TMEM117: variants seen among roughly 807,000 people sequenced by gnomAD.
TMEM117 encodes transmembrane protein 117.
Under a neutral mutation model 52.4 loss-of-function variants are expected in TMEM117, and 27 were observed. The ratio of observed to expected loss-of-function variants is 0.51; its 90% CI spans 0.38 to 0.71. The LOEUF is 0.71. Ranked by LOEUF, TMEM117 falls within the 30% of genes least tolerant of loss-of-function variation. The pLI is 0.00. For synonymous variants in TMEM117, 215 were observed against 206.3 expected, an observed-to-expected ratio of 1.04 and a Z score of -0.36; for missense variants, 556 against 630.5, an observed-to-expected ratio of 0.88 and a Z score of 1.26.
chr12:44,046,062 A>G (rs1180030598), intron 3 of TMEM117, among the ~76,000 whole-genome samples: 1 of 152,150 alleles, frequency 6.6e-6, no homozygotes, highest in East Asian at 1.9e-4. Context: ...AGCGTTCAAT[A>G]TATGGTACTA....
At chr12:43,802,639 A>T in the TMEM117 span, among the ~76,000 whole-genome samples, 1 of 152,236 alleles carries the variant, frequency 6.6e-6, no homozygotes, top group Non-Finnish European at 1.5e-5. Context: ...GAGTATTATA[A>T]AAACTGTTAA....
intron 3 of TMEM117, among the ~76,000 whole-genome samples, chr12:44,038,293 C>T (rs997524277): frequency 6.6e-6 from 1 of 152,124 alleles, no homozygotes; most frequent in African/African-American, 2.4e-5. Context: ...GGCTGTGACA[C>T]CCTCTCTGGG....
At chr12:44,107,806 A>G (rs1174215616) in intron 3 of TMEM117, among the ~76,000 whole-genome samples, 1 of 152,160 alleles carries the variant, frequency 6.6e-6, no homozygotes, top group African/African-American at 2.4e-5. Context: ...CTTTGTGGAC[A>G]GATGGCAAAA....
In TMEM117 at chr12:44,388,397, A is replaced by G. The variant is rs781102671; in HGVS notation, c.1270A>G (p.Met424Val). 6 of 1,613,344 alleles carry G rather than the reference A, an allele frequency of 3.7e-6. No homozygotes were observed. In the African/African-American group the frequency reaches 6.7e-5, roughly 18 times the overall value. The change falls in exon 8 of 8, where the codon ATG becomes GTG. Residue 424 changes from methionine (M) to valine (V), a missense_variant. By Grantham distance (21) the Met-to-Val change is conservative. This residue lies in a region of TMEM117 where 206 missense variants were observed against 211.1 expected (regional missense o/e 0.98). Coordinates refer to ENST00000266534, the MANE Select transcript of TMEM117 (RefSeq NM_032256.3). ...FGRFLKNEPR[M>V]ENQDKTYTRM... ...ACGATTTTTGAAAAATGAGCCACGC[A>G]TGGAGAATCAAGACAAAACTTACAC...
At chr12:43,895,589 C>T (rs1171570785) in intron 2 of TMEM117, among the ~76,000 whole-genome samples, 3 of 152,148 alleles carry the variant, frequency 2.0e-5, no homozygotes, top group Non-Finnish European at 4.4e-5. Context: ...ACACCATCTT[C>T]AATACAACAT....
intron 5 of TMEM117, among the ~76,000 whole-genome samples, chr12:44,216,479 C>A (rs17094282): frequency 0.11 from 16,117 of 152,074 alleles, 942 homozygotes; most frequent in Middle Eastern, 0.2. Context: ...ATACTGTAGC[C>A]TAAAATAACC....
At chr12:44,084,280 A>T (rs1331234263) in intron 3 of TMEM117, among the ~76,000 whole-genome samples, 1 of 152,186 alleles carries the variant, frequency 6.6e-6, no homozygotes, top group African/African-American at 2.4e-5. Context: ...TTATACTTGT[A>T]CTTTGAAAAG....
At chr12:43,914,450 C>G (rs1156685331) in intron 2 of TMEM117, among the ~76,000 whole-genome samples, 2 of 152,162 alleles carry the variant, frequency 1.3e-5, no homozygotes, top group Non-Finnish European at 2.9e-5. Flanking sequence ...ATTCATTTCA[C>G]AAATATTCGT....
intron 3 of TMEM117, among the ~76,000 whole-genome samples, chr12:44,052,820 G>A (rs770014150): frequency 1.4e-4 from 22 of 152,126 alleles, no homozygotes; most frequent in Non-Finnish European, 2.5e-4. Flanking sequence ...AGTCTCTTCC[G>A]CTTTAGATTT....
At chr12:44,089,540 G>C (rs1947628049) in intron 3 of TMEM117, among the ~76,000 whole-genome samples, 1 of 152,086 alleles carries the variant, frequency 6.6e-6, no homozygotes, top group African/African-American at 2.4e-5. Flanking sequence ...CCTTAAGCCA[G>C]GTTGGCTTCT....
At chr12:44,140,853 A>T (rs2081376280) in intron 3 of TMEM117, among the ~76,000 whole-genome samples, 1 of 152,074 alleles carries the variant, frequency 6.6e-6, no homozygotes, top group South Asian at 2.1e-4. Context: ...AACCTCCCTA[A>T]TGCTCTTTAG....
Position 44,151,917 on chromosome 12 carries a change from T to A in TMEM117, c.510+8293T>A, listed in dbSNP as rs1207249908. Among the ~76,000 whole-genome samples the A allele has an allele frequency of 1.3e-4, 17 of 126,962 alleles. No individual in the cohort carries two copies. The East Asian group carries it at 3.1e-3, about 23-fold the overall frequency. 83.3% of individuals were successfully genotyped at this position (126,962 alleles called of 152,430 possible). A position where few individuals can be genotyped will look rare whatever the true frequency, so the allele number is the denominator to read the frequency against. ...TTAATATCATTTAATATATAATATA[T>A]ATTATAAACATTATATATTATATTA... On this transcript the variant is annotated intron_variant, in intron 4 of 7. Transcript: ENST00000266534.
At chr12:44,214,732 C>A (rs976423390) in intron 5 of TMEM117, among the ~76,000 whole-genome samples, 2 of 152,016 alleles carry the variant, frequency 1.3e-5, no homozygotes, top group Non-Finnish European at 2.9e-5. Context: ...AACTGAAGAA[C>A]AATTTAAATG....
At chr12:44,383,061 G>A (rs973933330) in intron 7 of TMEM117, among the ~76,000 whole-genome samples, 1 of 152,078 alleles carries the variant, frequency 6.6e-6, no homozygotes, top group Non-Finnish European at 1.5e-5. Context: ...GTTTTGTGCT[G>A]TCCCATGATG....
At chr12:43,855,183 AC>A (rs1261939162) in intron 2 of TMEM117, among the ~76,000 whole-genome samples, 1 of 152,212 alleles carries the variant, frequency 6.6e-6, no homozygotes, top group African/African-American at 2.4e-5. Context: ...TAAATTAGTT[AC>A]AAAAATCAGA....
chr12:43,977,858 A>T (rs1945697626), intron 3 of TMEM117, among the ~76,000 whole-genome samples: 2 of 152,168 alleles, frequency 1.3e-5, no homozygotes, highest in African/African-American at 4.8e-5. Flanking sequence ...ATGTTTAATA[A>T]CATATTGGTT....
Position 43,939,211 on chromosome 12 carries a change from T to C in TMEM117, c.278-4999T>C, listed in dbSNP as rs1194279044. On this transcript the variant is annotated intron_variant, in intron 2 of 7. Transcript: ENST00000266534. Reference sequence around the variant, plus strand: ...CTCCAACAAACCAAATATACTCCTTTAAGTAGCTGCAGATTCTATTTGTTT... The same window carrying C: ...CTCCAACAAACCAAATATACTCCTTCAAGTAGCTGCAGATTCTATTTGTTT... 2.0e-5 allele frequency among the ~76,000 whole-genome samples: 3 copies of C among 152,200 alleles called. No individual in the cohort carries two copies. In the East Asian group the frequency reaches 5.8e-4, roughly 29 times the overall value.
chr12:44,330,533 T>C (rs1217405257), intron 6 of TMEM117, among the ~76,000 whole-genome samples: 1 of 152,082 alleles, frequency 6.6e-6, no homozygotes, highest in African/African-American at 2.4e-5. Context: ...AAATTATTGA[T>C]GAGATATTTT....
intron 3 of TMEM117, among the ~76,000 whole-genome samples, chr12:44,115,540 A>AT (rs113273559): frequency 0.11 from 15,658 of 146,830 alleles, 891 homozygotes; most frequent in Middle Eastern, 0.21. Flanking sequence ...ATAGTATGGG[A>AT]TTTTTTTTTT....
Sources: gnomAD v4.1 joint callset for allele counts (sites outside exome capture counted in the v4.1 genomes callset) on GRCh38, gnomAD v4.1.1 for gene constraint, gnomAD v4.1.1 regional missense constraint, MANE v1.5 for transcripts, NCBI Gene and HGNC (gene_info 2026-07-23, HGNC 2026-07-21) for gene names.